The following SLC26A7 variants were observed in gnomAD, a reference collection of about 807,000 sequenced individuals.
SLC26A7 encodes the protein solute carrier family 26 member 7, also known as anion exchange transporter.
A neutral mutation model predicts 82.5 loss-of-function variants in SLC26A7; 59 were observed. The observed-to-expected ratio is 0.72, with a 90% CI of 0.58 to 0.89. The LOEUF is 0.89. SLC26A7 is among the 40% of genes least tolerant of loss of function. SLC26A7 has a pLI of 0.00. For synonymous variants in SLC26A7, 271 were observed against 274.3 expected (o/e 0.99, Z 0.12); for missense variants, 820 against 793.0 (o/e 1.03, Z -0.41).
intron 5 of SLC26A7, among the ~76,000 whole-genome samples, chr8:91,324,287 G>C (rs908821073): frequency 5.9e-5 from 9 of 152,224 alleles, no homozygotes; most frequent in Admixed American, 1.3e-4. Flanking sequence ...GAGAGAACTT[G>C]TGCTAACATC....
chr8:91,229,035 A>T (rs926190832), intron 2 of SLC26A7, among the ~76,000 whole-genome samples: 5 of 152,226 alleles, frequency 3.3e-5, no homozygotes. Context: ...AAAGCCTCAG[A>T]GAGCTTTTTT....
Position 91,249,336 on chromosome 8 carries a change from T to C in SLC26A7, c.-191T>C, listed in dbSNP as rs1810594420. 1 of 189,976 alleles carries C rather than the reference T, an allele frequency of 5.3e-6. No homozygotes were observed. The highest frequency in any genetic ancestry group is 1.1e-5 in the Non-Finnish European group (1 of 93,616). The allele number at this position is 189,976 out of a possible 1,614,324, so 11.8% of individuals were successfully genotyped here. A position where few individuals can be genotyped will look rare whatever the true frequency, so the allele number is the denominator to read the frequency against. ...AGAGAGCTGTAGACCAACTTAACAC[T>C]GAACCCATTACTTTTCCAAGACCAG... On this transcript the variant is annotated 5_prime_UTR_variant, in exon 1 of 19. Coordinates refer to ENST00000276609, the MANE Select transcript of SLC26A7 (RefSeq NM_052832.4).
intron 1 of SLC26A7, among the ~76,000 whole-genome samples, chr8:91,210,224 G>A (rs141959431): frequency 6.6e-6 from 1 of 152,242 alleles, no homozygotes; most frequent in East Asian, 1.9e-4. Context: ...GCAAAGTTAA[G>A]TAGTTTGTTC....
At chr8:91,282,248 G>A (rs1230342616) in intron 2 of SLC26A7, among the ~76,000 whole-genome samples, 5 of 152,166 alleles carry the variant, frequency 3.3e-5, no homozygotes, top group African/African-American at 1.2e-4. Context: ...TTTGTGGGCA[G>A]AGGCCAGTCA....
chr8:91,267,207 T>C lies in SLC26A7; in HGVS notation c.193+17363T>C, dbSNP rs554972604. On this transcript the variant is annotated intron_variant, in intron 2 of 18. Transcript: ENST00000276609. ...TAGGCATATTGACATTCCCCCCACC[T>C]CTTTTTGTTGTTGTTGTTGTTGTGT... Among the ~76,000 whole-genome samples, 3 of 151,968 alleles carry C rather than the reference T, an allele frequency of 2.0e-5. No homozygotes were observed. The East Asian group carries it at 5.8e-4, about 29-fold the overall frequency.
intron 12 of SLC26A7, among the ~76,000 whole-genome samples, chr8:91,362,932 T>C (rs1814090461): frequency 6.6e-6 from 1 of 152,098 alleles, no homozygotes; most frequent in African/African-American, 2.4e-5. Context: ...TATAAATTTA[T>C]AAATCATTTC....
intron 5 of SLC26A7, among the ~76,000 whole-genome samples, chr8:91,326,270 T>A (rs1006061151): frequency 1.3e-5 from 2 of 152,210 alleles, no homozygotes; most frequent in African/African-American, 4.8e-5. Context: ...TTCCTAGGGC[T>A]GCCACAATAA....
chr8:91,279,923 A>G (rs1811523777), intron 2 of SLC26A7, among the ~76,000 whole-genome samples: 1 of 151,926 alleles, frequency 6.6e-6, no homozygotes, highest in Non-Finnish European at 1.5e-5. Flanking sequence ...ACTTCTATTC[A>G]TGTCCTTTGC....
chr8:91,308,658 A>C (rs540125053), intron 4 of SLC26A7, among the ~76,000 whole-genome samples: 1 of 152,350 alleles, frequency 6.6e-6, no homozygotes, highest in East Asian at 1.9e-4. Context: ...TATTGTCTGC[A>C]TAAATTACTG....
chr8:91,245,598 A>G (rs1049595576), upstream of SLC26A7, among the ~76,000 whole-genome samples: 2 of 152,130 alleles, frequency 1.3e-5, no homozygotes, highest in Non-Finnish European at 2.9e-5. Context: ...TGGGGTTGAT[A>G]ACTTCCAATG....
At chr8:91,272,772 G>A (rs1011663849) in intron 2 of SLC26A7, among the ~76,000 whole-genome samples, 1 of 152,214 alleles carries the variant, frequency 6.6e-6, no homozygotes, top group African/African-American at 2.4e-5. Context: ...GCGATGGAGA[G>A]CCATTGGTGG....
At chr8:91,322,737 A>T (rs1230259017) in intron 5 of SLC26A7, among the ~76,000 whole-genome samples, 1 of 152,184 alleles carries the variant, frequency 6.6e-6, no homozygotes, top group Non-Finnish European at 1.5e-5. Context: ...CTAAATAATT[A>T]TGTACAGTTA....
chr8:91,353,794 T>C (rs1354922147), intron 11 of SLC26A7, among the ~76,000 whole-genome samples: 1 of 152,082 alleles, frequency 6.6e-6, no homozygotes, highest in Non-Finnish European at 1.5e-5. Flanking sequence ...GGCTCAATAT[T>C]ACTGAGCTCC....
chr8:91,248,270 A>G (rs1439980584), upstream of SLC26A7, among the ~76,000 whole-genome samples: 1 of 152,140 alleles, frequency 6.6e-6, no homozygotes, highest in Non-Finnish European at 1.5e-5. Context: ...TTAAAAAGAA[A>G]GGTATTTTTG....
At chr8:91,258,140 T>TG (rs1456391861) in intron 2 of SLC26A7, among the ~76,000 whole-genome samples, 3 of 152,018 alleles carry the variant, frequency 2.0e-5, no homozygotes. Flanking sequence ...GGTGAGATTT[T>TG]GGGGGGTCAC....
chr8:91,328,313 C>A (rs752243197), intron 5 of SLC26A7, among the ~76,000 whole-genome samples: 11 of 152,070 alleles, frequency 7.2e-5, no homozygotes, highest in Non-Finnish European at 1.5e-4. Context: ...TAAACTTTTT[C>A]AGCCTTGATG....
At chr8:91,260,345 T>A (rs1810928535) in intron 2 of SLC26A7, among the ~76,000 whole-genome samples, 1 of 152,150 alleles carries the variant, frequency 6.6e-6, no homozygotes, top group Admixed American at 6.6e-5. Flanking sequence ...CACCGTGATC[T>A]AATCACCTCC....
intron 5 of SLC26A7, among the ~76,000 whole-genome samples, chr8:91,321,756 C>G (rs1286360463): frequency 6.6e-6 from 1 of 152,026 alleles, no homozygotes; most frequent in Non-Finnish European, 1.5e-5. Flanking sequence ...ATGGCTAGTT[C>G]TTTGTAAACT....
At position 91,369,850 on chromosome 8, in the gene SLC26A7, GA is replaced by G. The variant is rs778660011; in HGVS notation, c.1675+22del. 8 of 1,594,080 alleles carry G rather than the reference GA, an allele frequency of 5.0e-6. No individual in the cohort carries two copies. The East Asian group carries it at 1.4e-4, about 27-fold the overall frequency. ...ACTGCAATGGTGAGTTAGCTTTAAG[GA>G]AAAAGAAAATCTAAGTGTTTACCTT... is the stretch of plus-strand genomic sequence containing the variant. On this transcript the variant is annotated intron_variant, in intron 15 of 18. Coordinates refer to ENST00000276609, the MANE Select transcript of SLC26A7 (RefSeq NM_052832.4).
Sources: gnomAD v4.1 joint callset for allele counts (sites outside exome capture counted in the v4.1 genomes callset) on GRCh38, gnomAD v4.1.1 for gene constraint, MANE v1.5 for transcripts, NCBI Gene and HGNC (gene_info 2026-07-23, HGNC 2026-07-21) for gene names.